VPS13B: variants seen among roughly 807,000 people sequenced by gnomAD.
VPS13B encodes the protein intermembrane lipid transfer protein VPS13B.
A neutral mutation model predicts 426.4 loss-of-function variants in VPS13B; 285 were observed. That is an observed-to-expected ratio of 0.67 (90% CI 0.61 to 0.74). The LOEUF is 0.74. VPS13B is among the 30% of genes least tolerant of loss of function. The pLI is 0.00. For missense variants in VPS13B, 4,537 were observed against 4,782.6 expected (o/e 0.95, Z 1.51); for synonymous variants, 1,676 against 1,676.4 (o/e 1.00, Z 0.01).
intron 3 of VPS13B, among the ~76,000 whole-genome samples, chr8:99,061,795 G>T (rs1490764353): frequency 6.6e-6 from 1 of 152,078 alleles, no homozygotes; most frequent in East Asian, 1.9e-4. Context: ...GTCCTGTCAT[G>T]ATTTGTGCTA....
At chr8:99,747,955 G>A (rs1169055541) in intron 39 of VPS13B, among the ~76,000 whole-genome samples, 1 of 151,784 alleles carries the variant, frequency 6.6e-6, no homozygotes, top group Non-Finnish European at 1.5e-5. Context: ...CTAGTCTATG[G>A]GCACCACTGG....
chr8:99,198,192 A>G (rs1254716736), intron 17 of VPS13B, among the ~76,000 whole-genome samples: 1 of 152,176 alleles, frequency 6.6e-6, no homozygotes, highest in Admixed American at 6.5e-5. Context: ...CAGCCCATCT[A>G]TAAGTTAACT....
Position 99,103,038 on chromosome 8 carries a change from T to G in VPS13B, c.498T>G (p.Asp166Glu), listed in dbSNP as rs776596431. The G allele has an allele frequency of 5.6e-6, 9 of 1,613,674 alleles. No individual in the cohort carries two copies. Among genetic ancestry groups the G allele is most frequent in the African/African-American group, 1.3e-5 (1 of 74,928 alleles). The change falls in exon 5 of 62, where the codon GAT (aspartate) becomes GAG (glutamate). Residue 166 changes from aspartate to glutamate, a missense_variant. Physicochemically the swap from Asp to Glu is conservative, Grantham distance 45. Coordinates refer to ENST00000357162, the MANE Select transcript of VPS13B (RefSeq NM_152564.5). ...NNLILKYVED[D>E]IVLSVNITSA... Reference sequence around the variant, plus strand: ...TCATACTAAAATATGTTGAAGATGATATCGTCCTTTCCGTCAATATCACTT... The same window carrying G: ...TCATACTAAAATATGTTGAAGATGAGATCGTCCTTTCCGTCAATATCACTT...
At chr8:99,234,536 C>T (rs1016622362) in intron 17 of VPS13B, 21 of 471,754 alleles carry the variant, frequency 4.5e-5, no homozygotes, top group African/African-American at 7.9e-5. Context: ...GTTCAGGGGC[C>T]GCAGGGCTGG....
At chr8:99,253,141 T>G (rs968085212) in intron 17 of VPS13B, among the ~76,000 whole-genome samples, 1 of 152,194 alleles carries the variant, frequency 6.6e-6, no homozygotes, top group African/African-American at 2.4e-5. Flanking sequence ...TTTCAAAGTT[T>G]ATTCTTGTTG....
intron 33 of VPS13B, among the ~76,000 whole-genome samples, chr8:99,610,731 T>G (rs1326149842): frequency 2.0e-5 from 3 of 151,894 alleles, no homozygotes; most frequent in Non-Finnish European, 4.4e-5. Flanking sequence ...GAACTTAAAG[T>G]ATAATAAAAA....
chr8:99,493,994 GAT>G (rs1470900180), intron 25 of VPS13B, among the ~76,000 whole-genome samples: 2 of 151,826 alleles, frequency 1.3e-5, no homozygotes, highest in Non-Finnish European at 2.9e-5. Context: ...TTAATGATAA[GAT>G]AAATATTTCT....
chr8:99,292,779 A>T (rs563786160), intron 19 of VPS13B, among the ~76,000 whole-genome samples: 1 of 152,054 alleles, frequency 6.6e-6, no homozygotes, highest in African/African-American at 2.4e-5. Flanking sequence ...TTCTTGGGTA[A>T]ATTTTATATG....
chr8:99,285,969 G>A (rs1819416010), intron 19 of VPS13B, among the ~76,000 whole-genome samples: 1 of 151,914 alleles, frequency 6.6e-6, no homozygotes, highest in Non-Finnish European at 1.5e-5. Context: ...TTTTACTGAG[G>A]ATATTTCTGT....
At chr8:99,260,973 G>A (rs111390163) in intron 17 of VPS13B, among the ~76,000 whole-genome samples, 1 of 151,718 alleles carries the variant, frequency 6.6e-6, no homozygotes, top group African/African-American at 2.4e-5. Flanking sequence ...TTTTTTAAGA[G>A]CAGTTTTAGG....
intron 3 of VPS13B, among the ~76,000 whole-genome samples, chr8:99,095,122 T>A (rs1445217903): frequency 1.3e-5 from 2 of 152,228 alleles, no homozygotes; most frequent in Non-Finnish European, 2.9e-5. Flanking sequence ...ACTCATTTAC[T>A]GCTCCCACTT....
rs386413466 is a variant in VPS13B at position 99,737,106 on chromosome 8, C to CTTTTTTTTTTTTTTTTTT, written c.7050+16074_7050+16091dup. 1.4e-4 allele frequency among the ~76,000 whole-genome samples: 6 copies of CTTTTTTTTTTTTTTTTTT among 44,374 alleles called. 2 individuals carry two copies. Among genetic ancestry groups the CTTTTTTTTTTTTTTTTTT allele is most frequent in the African/African-American group, 1.6e-4 (2 of 12,280 alleles). The allele number at this position is 44,374 out of a possible 152,430, so 29.1% of individuals were successfully genotyped here. A position where few individuals can be genotyped will look rare whatever the true frequency, so the allele number is the denominator to read the frequency against. On this transcript the variant is annotated intron_variant, in intron 39 of 61. Coordinates refer to ENST00000357162, the MANE Select transcript of VPS13B (RefSeq NM_152564.5). ...CAGGAAAGCCTTTGAAGATGTCCTTCTTTTTTTTTTTTTTTTTTTTTTTTT... is the reference window on the plus strand; with the variant it reads ...CAGGAAAGCCTTTGAAGATGTCCTTCTTTTTTTTTTTTTTTTTTTTTTTTTTTTTTTTTTTTTTTTTTT...
chr8:99,543,561 C>CT (rs1823762564), intron 30 of VPS13B, among the ~76,000 whole-genome samples: 1 of 151,998 alleles, frequency 6.6e-6, no homozygotes, highest in Non-Finnish European at 1.5e-5. Context: ...GCAACCTACT[C>CT]ATCTGACAAA....
At chr8:99,509,842 A>G (rs1471413224) in intron 28 of VPS13B, among the ~76,000 whole-genome samples, 1 of 145,296 alleles carries the variant, frequency 6.9e-6, no homozygotes, top group African/African-American at 2.5e-5. Context: ...TAATTGGTTG[A>G]GGAAGATTTT....
At chr8:99,144,488 C>CAAAAAAAAA (rs34556724) in intron 13 of VPS13B, among the ~76,000 whole-genome samples, 1 of 92,022 alleles carries the variant, frequency 1.1e-5, no homozygotes, top group Non-Finnish European at 2.3e-5. Context: ...GACCCTGTTT[C>CAAAAAAAAA]AAAAAAAAAA....
At chr8:99,228,391 A>G (rs918194070) in intron 17 of VPS13B, among the ~76,000 whole-genome samples, 9 of 152,334 alleles carry the variant, frequency 5.9e-5, no homozygotes, top group Admixed American at 3.9e-4. Context: ...TTCCTTGGTA[A>G]CTAATATGTA....
chr8:99,064,042 C>A (rs1366274173), intron 3 of VPS13B, among the ~76,000 whole-genome samples: 1 of 152,196 alleles, frequency 6.6e-6, no homozygotes, highest in Non-Finnish European at 1.5e-5. Flanking sequence ...AACTAACAAA[C>A]AGAAAGGCAT....
intron 39 of VPS13B, among the ~76,000 whole-genome samples, chr8:99,721,400 A>G (rs1833127042): frequency 6.6e-6 from 1 of 152,182 alleles, no homozygotes; most frequent in Non-Finnish European, 1.5e-5. Context: ...GAACCGCCCC[A>G]TGAAACAAAA....
intron 35 of VPS13B, among the ~76,000 whole-genome samples, chr8:99,687,068 T>C (rs1831442894): frequency 6.6e-6 from 1 of 152,006 alleles, no homozygotes; most frequent in South Asian, 2.1e-4. Flanking sequence ...GGCTCTTCAG[T>C]CAGCAGGTGA....
Sources: gnomAD v4.1 joint callset for allele counts (sites outside exome capture counted in the v4.1 genomes callset) on GRCh38, gnomAD v4.1.1 for gene constraint, MANE v1.5 for transcripts, NCBI Gene and HGNC (gene_info 2026-07-23, HGNC 2026-07-21) for gene names.